Variants in ABAT observed in about 807,000 individuals in gnomAD.
The protein encoded by ABAT is 4-aminobutyrate aminotransferase, mitochondrial.
ABAT carries 45 observed loss-of-function variants against 64.6 expected under a neutral mutation model. The ratio of observed to expected loss-of-function variants is 0.70; its 90% confidence interval spans 0.55 to 0.89. ABAT has a LOEUF of 0.89. Among genes scored for constraint, ABAT ranks in the 40% least tolerant of loss-of-function variants. ABAT has a pLI of 0.00. For synonymous variants in ABAT, 297 were observed against 250.5 expected (o/e 1.19, Z -1.75); for missense variants, 633 against 658.4 (o/e 0.96, Z 0.42).
chr16:8,734,758 AT>A (rs1271453273), intron 1 of ABAT, among the ~76,000 whole-genome samples: 1 of 152,158 alleles, frequency 6.6e-6, no homozygotes, highest in Non-Finnish European at 1.5e-5. Context: ...ACACATACCA[AT>A]TAACAAAACA....
At chr16:8,700,378 A>C (rs988808175) in intron 1 of ABAT, among the ~76,000 whole-genome samples, 7 of 152,136 alleles carry the variant, frequency 4.6e-5, no homozygotes, top group Non-Finnish European at 1.0e-4. Flanking sequence ...CGGCTCCATG[A>C]ATTTTTACCT....
chr16:8,681,894 G>A (rs1030240624), intron 1 of ABAT, among the ~76,000 whole-genome samples: 12 of 152,042 alleles, frequency 7.9e-5, no homozygotes, highest in African/African-American at 2.2e-4. Flanking sequence ...CACCCGCCTC[G>A]GCCTCCCAAA....
chr16:8,740,498 C>T (rs994753464), intron 2 of ABAT, among the ~76,000 whole-genome samples: 10 of 152,164 alleles, frequency 6.6e-5, no homozygotes, highest in African/African-American at 1.4e-4. Flanking sequence ...TTCCTTGATA[C>T]GTGGACCTCT....
intron 2 of ABAT, chr16:8,738,441 A>C (rs1596444285): frequency 2.2e-6 from 1 of 455,936 alleles, no homozygotes; most frequent in Non-Finnish European, 4.4e-6. Flanking sequence ...TTTCTGCTCC[A>C]GGATCCAATC....
chr16:8,780,997 T>C (rs1038335497), intron 15 of ABAT, among the ~76,000 whole-genome samples: 1 of 151,758 alleles, frequency 6.6e-6, no homozygotes, highest in Non-Finnish European at 1.5e-5. Flanking sequence ...GATTTCTCTA[T>C]CACCAGACCT....
intron 2 of ABAT, among the ~76,000 whole-genome samples, chr16:8,738,662 G>T (rs1567296353): frequency 7.3e-6 from 1 of 136,722 alleles, no homozygotes; most frequent in Non-Finnish European, 1.5e-5. Flanking sequence ...GTGTGTCTGA[G>T]ATGGAGTCTC....
At chr16:8,695,866 C>T (rs1273370) in intron 1 of ABAT, among the ~76,000 whole-genome samples, 2 of 152,008 alleles carry the variant, frequency 1.3e-5, no homozygotes, top group Admixed American at 6.6e-5. Flanking sequence ...GCAGTTGACC[C>T]GAGGGAGTGG....
intron 5 of ABAT, among the ~76,000 whole-genome samples, chr16:8,756,973 T>C (rs1355494644): frequency 6.6e-6 from 1 of 152,174 alleles, no homozygotes; most frequent in East Asian, 1.9e-4. Flanking sequence ...GAAGGCAGGA[T>C]GAGGCATGCG....
At chr16:8,697,362 C>T (rs2057725982) in intron 1 of ABAT, among the ~76,000 whole-genome samples, 1 of 152,130 alleles carries the variant, frequency 6.6e-6, no homozygotes, top group Non-Finnish European at 1.5e-5. Context: ...TTAAAATAAT[C>T]CCTATGGCTG....
Position 8,783,830 on chromosome 16 carries a change from C to G in ABAT, c.*2400C>G, listed in dbSNP as rs1384940460. On this transcript the variant is annotated 3_prime_UTR_variant, in exon 16 of 16. Transcript: ENST00000268251. ...TCGTTCTCTCCCCATGGGGCACTGA[C>G]AGAGAAATGAAATAGTTTTATCTGG... The G allele has an allele frequency of 6.6e-6, 1 of 152,122 alleles. No individual in the cohort carries two copies. Among genetic ancestry groups the G allele is most frequent in the African/African-American group, 2.4e-5 (1 of 41,416 alleles). 9.4% of individuals were successfully genotyped at this position (152,122 alleles called of 1,614,324 possible).
intron 1 of ABAT, among the ~76,000 whole-genome samples, chr16:8,714,125 G>C (rs1022501410): frequency 6.6e-6 from 1 of 152,194 alleles, no homozygotes; most frequent in Admixed American, 6.5e-5. Context: ...ACCCTTTAAA[G>C]TGGGGACAAA....
In ABAT at chr16:8,764,218, C is replaced by T. The variant is rs1052860101; in HGVS notation, c.447+69C>T. The stretch of plus-strand genomic sequence containing the variant: ...TGGCAGGGGAAGGGAAAAGTGGAGA[C>T]GCCAACAATGAAGAATAAGGTGTTG... On this transcript the variant is annotated intron_variant, in intron 7 of 15. Transcript: ENST00000268251. The surrounding 1 kb of genome is among the most constrained non-coding windows in gnomAD (Gnocchi z 4.2). 6.0e-5 allele frequency: 76 copies of T among 1,269,576 alleles called. No homozygotes were observed. In the Admixed American group the frequency reaches 9.7e-4, roughly 16 times the overall value. The allele number at this position is 1,269,576 out of a possible 1,614,324, so 78.6% of individuals were successfully genotyped here.
At chr16:8,730,158 C>T (rs987020535) in intron 1 of ABAT, among the ~76,000 whole-genome samples, 1 of 152,144 alleles carries the variant, frequency 6.6e-6, no homozygotes, top group Admixed American at 6.5e-5. Context: ...CAGCTGAGAG[C>T]CTGCACATAG....
chr16:8,768,843 A>G lies in ABAT; in HGVS notation c.686A>G (p.His229Arg), dbSNP rs755449983. Residue 229 changes from histidine to arginine, a missense_variant, in exon 11 of 16, where the codon CAC becomes CGC. Physicochemically the swap from His to Arg is conservative, Grantham distance 29. Transcript: ENST00000268251. The stretch of plus-strand genomic sequence containing the variant: ...AACTCAGGTTGCTTAGCGACCACGC[A>G]CTCTAAAGCCATTCACAAGATCGAC... ...GRTMGCLATT[H>R]SKAIHKIDIP... 6.2e-7 allele frequency: 1 copy of G among 1,613,960 alleles called. No individual in the cohort carries two copies. Among genetic ancestry groups the G allele is most frequent in the Non-Finnish European group, 8.5e-7 (1 of 1,180,032 alleles).
intron 11 of ABAT, among the ~76,000 whole-genome samples, chr16:8,770,284 C>A (rs2060067556): frequency 6.6e-6 from 1 of 152,046 alleles, no homozygotes. Context: ...ACTACAGGCG[C>A]TTGACACCAC....
chr16:8,709,549 T>C (rs189030580), intron 1 of ABAT, among the ~76,000 whole-genome samples: 2 of 152,236 alleles, frequency 1.3e-5, no homozygotes, highest in Admixed American at 1.3e-4. Flanking sequence ...AATTTTTGTA[T>C]TTTCAGTAGA....
In ABAT at chr16:8,768,835, G is replaced by A. The variant is rs112564762; in HGVS notation, c.678G>A (p.Ala226=). 1.4e-5 allele frequency: 23 copies of A among 1,613,960 alleles called. No homozygotes were observed. Among genetic ancestry groups the A allele is most frequent in the Admixed American group, 1.2e-4 (7 of 59,982 alleles). ...AFHGRTMGCL[A]TTHSKAIHKI... ...TTTTGCTGAACTCAGGTTGCTTAGC[G>A]ACCACGCACTCTAAAGCCATTCACA... The change falls in exon 11 of 16, where the codon GCG becomes GCA. Residue 226 remains alanine (A), a synonymous_variant. Transcript: ENST00000268251.
chr16:8,728,983 C>T lies in ABAT; in HGVS notation c.-41-6716C>T, dbSNP rs4984997. Among the ~76,000 whole-genome samples, 3 of 152,198 alleles carry T rather than the reference C, an allele frequency of 2.0e-5. No individual in the cohort carries two copies. The East Asian group carries it at 5.8e-4, about 29-fold the overall frequency. On this transcript the variant is annotated intron_variant, in intron 1 of 15. Transcript: ENST00000268251. ...GCAATAAAATTTATTCTGTGAACTA[C>T]GTCATTTTTATTCATGAAGCCTCAT... is the stretch of plus-strand genomic sequence containing the variant.
chr16:8,725,867 TG>T (rs1400461617), intron 1 of ABAT, among the ~76,000 whole-genome samples: 1 of 152,166 alleles, frequency 6.6e-6, no homozygotes, highest in East Asian at 1.9e-4. Context: ...AGCTAATCCC[TG>T]CCTTCTTACT....
Sources: gnomAD v4.1 joint callset for allele counts (sites outside exome capture counted in the v4.1 genomes callset) on GRCh38, gnomAD v4.1.1 for gene constraint, Gnocchi (gnomAD v3.1) non-coding constraint, MANE v1.5 for transcripts, NCBI Gene and HGNC (gene_info 2026-07-23, HGNC 2026-07-21) for gene names.